The following KIF13B variants were observed in gnomAD, a reference collection of about 807,000 sequenced individuals.
The protein encoded by KIF13B is kinesin-like protein KIF13B.
Under a neutral mutation model 222.0 loss-of-function variants are expected in KIF13B, and 127 were observed. The ratio of observed to expected loss-of-function variants is 0.57; its 90% CI spans 0.50 to 0.66. KIF13B has a LOEUF of 0.66. Ranked by LOEUF, KIF13B falls within the 30% of genes least tolerant of loss-of-function variation. The pLI, the probability that KIF13B is intolerant of heterozygous loss-of-function variation, is 0.00. For missense variants in KIF13B, 2,173 were observed against 2,379.0 expected, an observed-to-expected ratio of 0.91 and a Z score of 1.80; for synonymous variants, 976 against 919.0, an observed-to-expected ratio of 1.06 and a Z score of -1.12.
chr8:29,197,550 A>G (rs1473906356), intron 2 of KIF13B, among the ~76,000 whole-genome samples: 2 of 151,950 alleles, frequency 1.3e-5, no homozygotes, highest in African/African-American at 2.4e-5. Flanking sequence ...ATACACATAT[A>G]TGTTTTTTTT....
chr8:29,208,773 A>G lies in KIF13B; in HGVS notation c.150-12574T>C, dbSNP rs555184773. ...TTGCCCCTGCTTGCCATTCAGAATC[A>G]GCAAGAGAAAGTCAAGTATGCTCCC... On this transcript the variant is annotated intron_variant, in intron 2 of 39. Transcript: ENST00000524189. 2.0e-5 allele frequency among the ~76,000 whole-genome samples: 3 copies of G among 152,266 alleles called. No homozygotes were observed. In the South Asian group the frequency reaches 6.2e-4, roughly 32 times the overall value.
chr8:29,170,574 G>A (rs1177807046), intron 10 of KIF13B, among the ~76,000 whole-genome samples: 1 of 152,176 alleles, frequency 6.6e-6, no homozygotes, highest in Non-Finnish European at 1.5e-5. Flanking sequence ...GCATCACCCA[G>A]GTAAAGGGAG....
chr8:29,191,115 T>C (rs1477935377), intron 3 of KIF13B, 58 bp from the exon 4 acceptor site: 2 of 1,280,608 alleles, frequency 1.6e-6, no homozygotes, highest in Non-Finnish European at 2.2e-6. Flanking sequence ...TTATAAACCA[T>C]AACTGATAGA....
chr8:29,129,564 C>T (rs1028134111), intron 24 of KIF13B, among the ~76,000 whole-genome samples: 7 of 151,920 alleles, frequency 4.6e-5, no homozygotes, highest in East Asian at 1.9e-4. Context: ...TTTTCTAGAG[C>T]GATTCTAGTA....
Position 29,072,178 on chromosome 8 carries a change from G to A in KIF13B, c.4660C>T (p.Gln1554Ter). The A allele has an allele frequency of 2.1e-6, 3 of 1,436,402 alleles. No homozygotes were observed. The highest frequency in any genetic ancestry group is 2.7e-6 in the Non-Finnish European group (3 of 1,095,228). The allele number at this position is 1,436,402 out of a possible 1,614,324, so 89.0% of individuals were successfully genotyped here. A position where few individuals can be genotyped will look rare whatever the true frequency, so the allele number is the denominator to read the frequency against. The change falls in exon 39 of 40, where the codon CAG becomes TAG. Residue 1554 changes from glutamine (Q) to a stop codon, truncating the protein, a stop_gained. Transcript: ENST00000524189. LOFTEE classifies it high-confidence loss of function. ...VTAVTPAPEAQDGPPSPLSEA... is the reference protein window; with the variant it reads ...VTAVTPAPEA ...CTCAGGGGGCTGGGGGGCCCGTCCTGTGCCTCCGGAGCCGGGGTGACCGCT... is the reference window on the plus strand; with the variant it reads ...CTCAGGGGGCTGGGGGGCCCGTCCTATGCCTCCGGAGCCGGGGTGACCGCT...
In KIF13B at chr8:29,107,962, CTTA is replaced by C. The variant is rs201090213; in HGVS notation, c.4215+174_4215+176del. Among the ~76,000 whole-genome samples, 1,307 of 152,192 alleles carry C rather than the reference CTTA, an allele frequency of 8.6e-3. 20 individuals are homozygous for C. The highest frequency in any genetic ancestry group is 0.03 in the African/African-American group (1,227 of 41,516). On this transcript the variant is annotated intron_variant, in intron 35 of 39. Coordinates refer to ENST00000524189, the MANE Select transcript of KIF13B (RefSeq NM_015254.4). ...CCCCAGTAGTCAGAGTCTAATAAAC[CTTA>C]TTTTAATTGGCAAATTAAAAGAAAT...
chr8:29,135,597 GTT>G (rs756073916), intron 21 of KIF13B, among the ~76,000 whole-genome samples: 6 of 152,146 alleles, frequency 3.9e-5, no homozygotes, highest in Non-Finnish European at 8.8e-5. Context: ...TGACATATGA[GTT>G]CATGTAGTTC....
chr8:29,080,509 G>A (rs571540856), intron 37 of KIF13B, among the ~76,000 whole-genome samples: 22 of 152,246 alleles, frequency 1.4e-4, no homozygotes, highest in Admixed American at 2.6e-4. Flanking sequence ...ACCAGCCTCC[G>A]GCATGTGAGG....
At position 29,147,473 on chromosome 8, in the gene KIF13B, T is replaced by C. The variant is rs565462520; in HGVS notation, c.1943A>G (p.Lys648Arg). The change falls in exon 17 of 40, where the codon AAG becomes AGG. Residue 648 changes from lysine to arginine, a missense_variant. Coordinates refer to ENST00000524189, the MANE Select transcript of KIF13B (RefSeq NM_015254.4). ...CCTGTCCATGCTCCGGCAGTTCTGCTTCTCAGGAGACAGCCTTCTCCGGAG... is the reference window on the plus strand; with the variant it reads ...CCTGTCCATGCTCCGGCAGTTCTGCCTCTCAGGAGACAGCCTTCTCCGGAG... ...EQLRRRLSPE[K>R]QNCRSMDRFS... The C allele has an allele frequency of 4.0e-5, 64 of 1,613,396 alleles. 1 individual carries two copies. In the South Asian group the frequency reaches 6.8e-4, roughly 17 times the overall value.
At position 29,070,541 on chromosome 8, in the gene KIF13B, T is replaced by C. The variant is rs760639554; in HGVS notation, c.5444A>G (p.His1815Arg). Residue 1815 changes from histidine (H) to arginine (R), a missense_variant, in exon 40 of 40, where the codon CAC becomes CGC. Physicochemically the swap from His to Arg is conservative, Grantham distance 29. Around this residue, in one of 2 missense-constraint regions of KIF13B, gnomAD observed 693 missense variants for 656.2 expected, o/e 1.06. Transcript: ENST00000524189. The surrounding 1 kb of genome is among the most constrained non-coding windows in gnomAD (Gnocchi z 4.1). ...TAALAKADRS[H>R]KNPENRKSWA... Reference sequence around the variant, plus strand: ...GGATTTCCGGTTCTCAGGGTTCTTGTGGCTCCTGTCGGCCTTGGCCAGGGC... The same window carrying C: ...GGATTTCCGGTTCTCAGGGTTCTTGCGGCTCCTGTCGGCCTTGGCCAGGGC... 1.2e-6 allele frequency: 2 copies of C among 1,610,002 alleles called. No individual in the cohort carries two copies. Among genetic ancestry groups the C allele is most frequent in the African/African-American group, 1.3e-5 (1 of 75,022 alleles).
At chr8:29,122,107 A>G (rs999639156) in intron 29 of KIF13B, among the ~76,000 whole-genome samples, 1 of 152,068 alleles carries the variant, frequency 6.6e-6, no homozygotes, top group African/African-American at 2.4e-5. Flanking sequence ...ACAAAAAATT[A>G]GCCGGGCGTG....
chr8:29,104,496 C>G (rs1406027792), intron 35 of KIF13B, among the ~76,000 whole-genome samples: 3 of 152,196 alleles, frequency 2.0e-5, no homozygotes, highest in Non-Finnish European at 2.9e-5. Flanking sequence ...GCATTGATAA[C>G]TGCATACATT....
intron 37 of KIF13B, among the ~76,000 whole-genome samples, chr8:29,087,769 G>A (rs1260526435): frequency 2.6e-5 from 4 of 152,110 alleles, no homozygotes; most frequent in African/African-American, 9.7e-5. Flanking sequence ...ATGACGAAGC[G>A]TTTCCCAGAT....
chr8:29,155,029 A>G (rs1811456358), intron 14 of KIF13B, among the ~76,000 whole-genome samples: 1 of 152,192 alleles, frequency 6.6e-6, no homozygotes. Flanking sequence ...AACAGGGGAT[A>G]ACAGCTCTAT....
intron 26 of KIF13B, 126 bp from the exon 27 acceptor site, chr8:29,124,249 T>C (rs1810007922): frequency 1.7e-6 from 1 of 582,686 alleles, no homozygotes; most frequent in African/African-American, 1.9e-5. Flanking sequence ...AATTTCTTTA[T>C]TGCTACCACC....
chr8:29,207,456 C>T (rs1814002675), intron 2 of KIF13B, among the ~76,000 whole-genome samples: 4 of 152,064 alleles, frequency 2.6e-5, no homozygotes, highest in South Asian at 2.1e-4. Flanking sequence ...CGTTTCTTTC[C>T]GGGTGCCTGA....
chr8:29,179,975 T>C, intron 8 of KIF13B, 129 bp downstream of exon 8: 1 of 1,006,784 alleles, frequency 9.9e-7, no homozygotes, highest in East Asian at 2.4e-5. Context: ...CTTCTGTTTC[T>C]CGTCCAGAGT....
chr8:29,155,941 G>T, intron 13 of KIF13B, 85 bp from the exon 14 acceptor site: 1 of 1,123,922 alleles, frequency 8.9e-7, no homozygotes, highest in Non-Finnish European at 1.3e-6. Context: ...CTCTTATATT[G>T]TCCTATTACC....
chr8:29,080,596 C>T (rs944578560), intron 37 of KIF13B, among the ~76,000 whole-genome samples: 3 of 152,186 alleles, frequency 2.0e-5, no homozygotes, highest in Admixed American at 6.5e-5. Flanking sequence ...TGAGCCATAA[C>T]GGCACCAGCA....
Sources: gnomAD v4.1 joint callset for allele counts (sites outside exome capture counted in the v4.1 genomes callset) on GRCh38, gnomAD v4.1.1 for gene constraint, gnomAD v4.1.1 regional missense constraint, Gnocchi (gnomAD v3.1) non-coding constraint, MANE v1.5 for transcripts, NCBI Gene and HGNC (gene_info 2026-07-23, HGNC 2026-07-21) for gene names.